The following PTPRT variants were observed in gnomAD, a reference collection of about 807,000 sequenced individuals.
PTPRT encodes protein tyrosine phosphatase receptor type T, also known as receptor-type tyrosine-protein phosphatase T.
In PTPRT, 56 loss-of-function variants were observed where a neutral mutation model predicts 176.8. The observed-to-expected ratio is 0.32, with a 90% CI of 0.26 to 0.40. PTPRT has a LOEUF of 0.40. Ranked by LOEUF, PTPRT falls within the 10% of genes least tolerant of loss-of-function variation. PTPRT has a pLI of 1.00. For synonymous variants in PTPRT, 783 were observed against 739.0 expected (o/e 1.06, Z -0.96); for missense variants, 1,540 against 1,908.2 (o/e 0.81, Z 3.60).
At chr20:42,310,018 T>A (rs982975956) in intron 12 of PTPRT, among the ~76,000 whole-genome samples, 28 of 152,184 alleles carry the variant, frequency 1.8e-4, no homozygotes, top group African/African-American at 6.3e-4. Flanking sequence ...AGATTGAAAC[T>A]CAGGCCTGAA....
chr20:42,037,356 A>G, the PTPRT span, among the ~76,000 whole-genome samples: 1 of 152,188 alleles, frequency 6.6e-6, no homozygotes, highest in Non-Finnish European at 1.5e-5. Context: ...CCTGGTCTGC[A>G]GGGAACAGTG....
Position 42,524,505 on chromosome 20 carries a change from G to A in PTPRT, c.1154-51943C>T, listed in dbSNP as rs562908765. Among the ~76,000 whole-genome samples the A allele has an allele frequency of 1.3e-4, 20 of 152,136 alleles. 1 individual carries two copies. The highest frequency in any genetic ancestry group is 2.6e-4 in the Non-Finnish European group (18 of 68,028). On this transcript the variant is annotated intron_variant, in intron 7 of 30. Transcript: ENST00000373187. Reference sequence around the variant, plus strand: ...GCTGCTGTTGAGAAACCTGCTTTGAGTTAGTCATTCCATGGCAAGTGATCT... The same window carrying A: ...GCTGCTGTTGAGAAACCTGCTTTGAATTAGTCATTCCATGGCAAGTGATCT...
intron 1 of PTPRT, among the ~76,000 whole-genome samples, chr20:43,042,129 G>C (rs1486307806): frequency 6.6e-6 from 1 of 152,208 alleles, no homozygotes; most frequent in Non-Finnish European, 1.5e-5. Context: ...ACATGTTAAA[G>C]GCCTGGTGCA....
At chr20:42,927,101 C>A (rs1979537537) in intron 1 of PTPRT, among the ~76,000 whole-genome samples, 1 of 152,170 alleles carries the variant, frequency 6.6e-6, no homozygotes, top group South Asian at 2.1e-4. Flanking sequence ...CAAGGAAAAC[C>A]TGAGGGTGCA....
intron 3 of PTPRT, among the ~76,000 whole-genome samples, chr20:42,785,491 T>C (rs1301192579): frequency 6.6e-6 from 1 of 152,222 alleles, no homozygotes; most frequent in Non-Finnish European, 1.5e-5. Flanking sequence ...CCTCCTTTTC[T>C]TGCCACTGTA....
chr20:42,898,045 A>G (rs1389895121), intron 1 of PTPRT, among the ~76,000 whole-genome samples: 1 of 152,176 alleles, frequency 6.6e-6, no homozygotes, highest in African/African-American at 2.4e-5. Context: ...CATATCCCTT[A>G]TAGATCATCA....
At chr20:42,372,530 C>A (rs561761174) in intron 9 of PTPRT, among the ~76,000 whole-genome samples, 32 of 152,164 alleles carry the variant, frequency 2.1e-4, no homozygotes, top group Non-Finnish European at 2.5e-4. Flanking sequence ...AGTGGTCCAC[C>A]CACCTCAGCC....
chr20:42,034,390 G>A, the PTPRT span, among the ~76,000 whole-genome samples: 1 of 152,124 alleles, frequency 6.6e-6, no homozygotes, highest in Non-Finnish European at 1.5e-5. Flanking sequence ...AAGGGAGAGA[G>A]GGAGAGAGGA....
chr20:42,143,582 C>T (rs1988728621), intron 17 of PTPRT, among the ~76,000 whole-genome samples: 1 of 149,402 alleles, frequency 6.7e-6, no homozygotes, highest in South Asian at 2.1e-4. Context: ...AAAGTTGTGG[C>T]AGTACTCCAG....
chr20:43,138,619 G>A (rs1015945485), intron 1 of PTPRT, among the ~76,000 whole-genome samples: 1 of 152,304 alleles, frequency 6.6e-6, no homozygotes, highest in East Asian at 1.9e-4. Context: ...AGTTCAGCCT[G>A]GGAATGTCTT....
At chr20:42,296,979 A>C (rs1002306639) in intron 12 of PTPRT, among the ~76,000 whole-genome samples, 3 of 152,114 alleles carry the variant, frequency 2.0e-5, no homozygotes, top group African/African-American at 4.8e-5. Context: ...TACCCTCAAA[A>C]ATACAAATTT....
At chr20:42,581,821 G>T (rs1025887361) in intron 7 of PTPRT, among the ~76,000 whole-genome samples, 1 of 152,192 alleles carries the variant, frequency 6.6e-6, no homozygotes, top group South Asian at 2.1e-4. Context: ...AGAGGTTGAA[G>T]GGGGAGGGTG....
intron 6 of PTPRT, among the ~76,000 whole-genome samples, chr20:42,702,990 C>T (rs969184281): frequency 6.6e-6 from 1 of 152,234 alleles, no homozygotes; most frequent in Non-Finnish European, 1.5e-5. Flanking sequence ...TTTATCCTGC[C>T]AGCAGCAGGG....
chr20:42,194,638 G>C (rs766614523), intron 16 of PTPRT, among the ~76,000 whole-genome samples: 1 of 152,150 alleles, frequency 6.6e-6, no homozygotes, highest in South Asian at 2.1e-4. Context: ...GCAAAAGATC[G>C]CAGAGAAAAA....
At chr20:42,885,596 T>C (rs768839119) in intron 2 of PTPRT, among the ~76,000 whole-genome samples, 2 of 152,096 alleles carry the variant, frequency 1.3e-5, no homozygotes, top group Non-Finnish European at 2.9e-5. Context: ...CTAAAAGAAA[T>C]GCTGAATCCA....
chr20:42,451,987 G>C (rs1196394976), intron 8 of PTPRT, among the ~76,000 whole-genome samples: 1 of 152,112 alleles, frequency 6.6e-6, no homozygotes, highest in Non-Finnish European at 1.5e-5. Context: ...ATTCAAAATA[G>C]AGGCTGGGCT....
rs142293841 is a variant in PTPRT, at chr20:42,668,070, T to C, written c.1153+9796A>G. Among the ~76,000 whole-genome samples, 5 of 152,288 alleles carry C rather than the reference T, an allele frequency of 3.3e-5. No individual in the cohort carries two copies. The East Asian group carries it at 9.6e-4, about 29-fold the overall frequency. Reference sequence around the variant, plus strand: ...CACATAGTTAGACAGACTTGCTGTGTTGGAAGTGTCTGGTGGAGAGAAGGT... The same window carrying C: ...CACATAGTTAGACAGACTTGCTGTGCTGGAAGTGTCTGGTGGAGAGAAGGT... On this transcript the variant is annotated intron_variant, in intron 7 of 30. Coordinates refer to ENST00000373187, the MANE Select transcript of PTPRT (RefSeq NM_007050.6).
intron 5 of PTPRT, 129 bp downstream of exon 5, chr20:42,771,306 G>A: frequency 1.2e-6 from 1 of 808,546 alleles, no homozygotes; most frequent in Non-Finnish European, 2.0e-6. Context: ...GGGCTCCGGT[G>A]CTAGCTGTTG....
chr20:42,130,670 G>A (rs962039083), intron 18 of PTPRT, among the ~76,000 whole-genome samples: 2 of 152,182 alleles, frequency 1.3e-5, no homozygotes, highest in African/African-American at 2.4e-5. Flanking sequence ...CATTCACTGA[G>A]TATCTGCCAT....
Sources: allele counts gnomAD v4.1 joint callset (sites outside exome capture counted in the v4.1 genomes callset), GRCh38; gene constraint gnomAD v4.1.1; transcripts MANE v1.5; gene names NCBI Gene and HGNC (gene_info 2026-07-23, HGNC 2026-07-21).